Variants in TLL1 observed in about 807,000 individuals in gnomAD.
The protein encoded by TLL1 is tolloid like 1.
Under a neutral mutation model 128.2 loss-of-function variants are expected in TLL1, and 49 were observed. That is an observed-to-expected ratio of 0.38 (90% CI 0.30 to 0.48). TLL1 has a LOEUF of 0.48. TLL1 is among the 20% of genes least tolerant of loss of function. The probability of loss-of-function intolerance (pLI) is 0.96; values close to 1 mark genes in which losing one functional copy is unlikely to be tolerated. For missense variants in TLL1, 1,123 were observed against 1,242.0 expected (o/e 0.90, Z 1.44); for synonymous variants, 454 against 418.8 (o/e 1.08, Z -1.03).
At chr4:165,885,540 C>G (rs936529192) in intron 1 of TLL1, among the ~76,000 whole-genome samples, 8 of 152,080 alleles carry the variant, frequency 5.3e-5, no homozygotes, top group Non-Finnish European at 1.2e-4. Context: ...CGAAAGCAAT[C>G]AATGCCTAAA....
chr4:165,978,458 GT>G (rs1461627073), intron 1 of TLL1, among the ~76,000 whole-genome samples: 19 of 152,104 alleles, frequency 1.2e-4, no homozygotes, highest in African/African-American at 3.9e-4. Flanking sequence ...AAAGATAACA[GT>G]TTTTGCTTTT....
intron 1 of TLL1, among the ~76,000 whole-genome samples, chr4:165,907,993 C>A (rs887656376): frequency 6.6e-6 from 1 of 152,186 alleles, no homozygotes; most frequent in African/African-American, 2.4e-5. Context: ...TTTACCAGTT[C>A]ACCACGGAAG....
At chr4:165,998,085 T>C (rs1169903612) in intron 5 of TLL1, among the ~76,000 whole-genome samples, 4 of 152,224 alleles carry the variant, frequency 2.6e-5, no homozygotes, top group Admixed American at 2.0e-4. Context: ...AACTGCCTTC[T>C]TATTTCTTCT....
chr4:165,933,242 C>T (rs1733609795), intron 1 of TLL1, among the ~76,000 whole-genome samples: 1 of 152,168 alleles, frequency 6.6e-6, no homozygotes, highest in Non-Finnish European at 1.5e-5. Context: ...CATACACTCC[C>T]TGAGATGTTA....
At chr4:165,985,628 C>T (rs140430796) in intron 1 of TLL1, among the ~76,000 whole-genome samples, 13 of 152,042 alleles carry the variant, frequency 8.6e-5, no homozygotes, top group Admixed American at 7.9e-4. Flanking sequence ...TGTTAGAGCT[C>T]ACTGAGGAAT....
At chr4:165,929,365 C>A (rs1051866501) in intron 1 of TLL1, among the ~76,000 whole-genome samples, 4 of 152,076 alleles carry the variant, frequency 2.6e-5, no homozygotes, top group Non-Finnish European at 2.9e-5. Context: ...GATGAAACCT[C>A]GTCTTTACTG....
intron 1 of TLL1, among the ~76,000 whole-genome samples, chr4:165,881,078 C>T (rs544294185): frequency 6.8e-4 from 104 of 152,286 alleles, no homozygotes; most frequent in African/African-American, 2.3e-3. Context: ...ATAGTTGAGG[C>T]TTATGGTATT....
At chr4:165,989,529 G>A (rs1350670517) in intron 2 of TLL1, 38 bp downstream of exon 2, 3 of 1,455,650 alleles carry the variant, frequency 2.1e-6, no homozygotes, top group Admixed American at 1.7e-5. Flanking sequence ...TCTTTATTTT[G>A]GAGAAAATAT....
At chr4:165,995,310 A>G in intron 5 of TLL1, 132 bp downstream of exon 5, 1 of 738,414 alleles carries the variant, frequency 1.4e-6, no homozygotes, top group Non-Finnish European at 2.4e-6. Flanking sequence ...TGGATTTTCC[A>G]TAAAAATATT....
At chr4:165,911,696 A>G (rs1341047618) in intron 1 of TLL1, among the ~76,000 whole-genome samples, 2 of 152,062 alleles carry the variant, frequency 1.3e-5, no homozygotes, top group Non-Finnish European at 2.9e-5. Flanking sequence ...TAAACTGCTC[A>G]ATGTTCTTCC....
intron 1 of TLL1, among the ~76,000 whole-genome samples, chr4:165,899,794 G>A (rs568511635): frequency 3.9e-5 from 6 of 152,206 alleles, no homozygotes; most frequent in South Asian, 2.1e-4. Context: ...TTTCTGTCTC[G>A]TTGATCTGTC....
chr4:165,988,044 T>A (rs1736465629), intron 1 of TLL1, among the ~76,000 whole-genome samples: 1 of 152,092 alleles, frequency 6.6e-6, no homozygotes, highest in East Asian at 1.9e-4. Flanking sequence ...TTCTAGGTAT[T>A]TTTCAGTGTT....
chr4:165,935,463 A>G (rs1733720597), intron 1 of TLL1, among the ~76,000 whole-genome samples: 1 of 152,224 alleles, frequency 6.6e-6, no homozygotes, highest in Non-Finnish European at 1.5e-5. Flanking sequence ...AGACCTTAGT[A>G]TTATAAAACT....
chr4:165,972,008 G>T (rs1735649506), intron 1 of TLL1, among the ~76,000 whole-genome samples: 1 of 152,170 alleles, frequency 6.6e-6, no homozygotes, highest in Admixed American at 6.5e-5. Context: ...GAACCATCAG[G>T]ATAATTGTTT....
chr4:165,889,970 G>T (rs1731325190), intron 1 of TLL1, among the ~76,000 whole-genome samples: 1 of 152,132 alleles, frequency 6.6e-6, no homozygotes, highest in Non-Finnish European at 1.5e-5. Context: ...AAGGAAAGAG[G>T]TTTAATTGAC....
intron 18 of TLL1, among the ~76,000 whole-genome samples, chr4:166,080,729 A>G (rs1164682032): frequency 6.6e-6 from 1 of 152,188 alleles, no homozygotes; most frequent in Admixed American, 6.6e-5. Context: ...ATCAGGAATT[A>G]AGCCAAGATT....
chr4:165,916,005 C>T (rs1732760903), intron 1 of TLL1, among the ~76,000 whole-genome samples: 1 of 152,154 alleles, frequency 6.6e-6, no homozygotes, highest in Admixed American at 6.5e-5. Context: ...TATAACTTAC[C>T]AGTGAAACTT....
intron 1 of TLL1, among the ~76,000 whole-genome samples, chr4:165,974,142 T>A (rs1560783318): frequency 1.8e-5 from 2 of 110,770 alleles, no homozygotes; most frequent in African/African-American, 9.5e-5. Context: ...TCTTTTTTTT[T>A]TTTTTTTTTT....
At chr4:166,086,214 C>T (rs921848567) in intron 18 of TLL1, among the ~76,000 whole-genome samples, 1 of 152,006 alleles carries the variant, frequency 6.6e-6, no homozygotes, top group Non-Finnish European at 1.5e-5. Context: ...TATTACTGTA[C>T]ATTAATATGA....
Sources: gnomAD v4.1 joint callset for allele counts (sites outside exome capture counted in the v4.1 genomes callset) on GRCh38, gnomAD v4.1.1 for gene constraint, MANE v1.5 for transcripts, NCBI Gene and HGNC (gene_info 2026-07-23, HGNC 2026-07-21) for gene names.